KCNAB1: variants seen among roughly 807,000 people sequenced by gnomAD.
KCNAB1 encodes the protein voltage-gated potassium channel subunit beta-1.
KCNAB1 carries 35 observed loss-of-function variants against 64.6 expected under a neutral mutation model. The observed-to-expected ratio is 0.54, with a 90% CI of 0.41 to 0.72. KCNAB1 has a LOEUF of 0.72. Ranked by LOEUF, KCNAB1 falls within the 30% of genes least tolerant of loss-of-function variation. KCNAB1 has a pLI of 0.00. For missense variants in KCNAB1, 401 were observed against 512.9 expected (o/e 0.78, Z 2.11); for synonymous variants, 177 against 183.8 (o/e 0.96, Z 0.30).
Position 156,308,378 on chromosome 3 carries a change from C to T in KCNAB1, c.276-113238C>T, listed in dbSNP as rs1034980675. ...TTTTGAGCTGAGGAGTGATATTATC[C>T]GACTTGGGCTTCCTAAGGATTGCTC... On this transcript the variant is annotated intron_variant, in intron 1 of 13. Coordinates refer to ENST00000490337, the MANE Select transcript of KCNAB1 (RefSeq NM_172160.3). 3.3e-5 allele frequency among the ~76,000 whole-genome samples: 5 copies of T among 151,972 alleles called. No individual in the cohort carries two copies. The East Asian group carries it at 5.8e-4, about 18-fold the overall frequency.
At chr3:156,144,648 C>T (rs150358335) in intron 1 of KCNAB1, among the ~76,000 whole-genome samples, 1 of 152,146 alleles carries the variant, frequency 6.6e-6, no homozygotes, top group Non-Finnish European at 1.5e-5. Context: ...TCTGTCCCCC[C>T]ACGTTTTCTC....
intron 2 of KCNAB1, among the ~76,000 whole-genome samples, chr3:156,435,898 A>G (rs1295565472): frequency 6.6e-6 from 1 of 152,114 alleles, no homozygotes. Context: ...TGCTCCATCT[A>G]AAAGTCTATG....
intron 1 of KCNAB1, among the ~76,000 whole-genome samples, chr3:156,346,847 A>G (rs1484616397): frequency 6.6e-6 from 1 of 152,186 alleles, no homozygotes; most frequent in Non-Finnish European, 1.5e-5. Context: ...AGTTTTCAGC[A>G]GATGTTTGTC....
chr3:156,220,984 C>T (rs1190012076), intron 1 of KCNAB1, among the ~76,000 whole-genome samples: 20 of 152,314 alleles, frequency 1.3e-4, no homozygotes. Context: ...ATCCTTTCCC[C>T]ATTGCTTGTT....
chr3:156,303,289 A>G (rs1158905764), intron 1 of KCNAB1, among the ~76,000 whole-genome samples: 1 of 152,196 alleles, frequency 6.6e-6, no homozygotes, highest in East Asian at 1.9e-4. Flanking sequence ...GCATGCAAGC[A>G]AAAGTACCAG....
intron 8 of KCNAB1, among the ~76,000 whole-genome samples, chr3:156,476,274 T>C (rs1272691233): frequency 1.3e-5 from 2 of 152,028 alleles, no homozygotes; most frequent in Non-Finnish European, 2.9e-5. Context: ...TGCACCATAT[T>C]TGTAGTCTTA....
At chr3:156,390,605 C>T (rs575156441) in intron 1 of KCNAB1, among the ~76,000 whole-genome samples, 6 of 151,406 alleles carry the variant, frequency 4.0e-5, no homozygotes, top group South Asian at 2.1e-4. Flanking sequence ...CTTCTTGAGA[C>T]GGAGTCTCGC....
chr3:156,219,942 C>T (rs553036532), intron 1 of KCNAB1, among the ~76,000 whole-genome samples: 3 of 151,960 alleles, frequency 2.0e-5, no homozygotes, highest in South Asian at 2.1e-4. Context: ...TGTTTGACTC[C>T]CACCTGTGAG....
rs567494795 is a variant in KCNAB1 at position 156,350,994 on chromosome 3, T to C, written c.276-70622T>C. Among the ~76,000 whole-genome samples the C allele has an allele frequency of 1.4e-4, 21 of 152,290 alleles. No homozygotes were observed. The East Asian group carries it at 3.1e-3, about 22-fold the overall frequency. ...TCCTGTGAGATTTGCACAGTTGTCA[T>C]GGGAGGGACGTAGTGAACGGAAGGA... On this transcript the variant is annotated intron_variant, in intron 1 of 13. Coordinates refer to ENST00000490337, the MANE Select transcript of KCNAB1 (RefSeq NM_172160.3).
chr3:156,182,433 A>G (rs530067740), intron 1 of KCNAB1, among the ~76,000 whole-genome samples: 1 of 152,266 alleles, frequency 6.6e-6, no homozygotes, highest in Non-Finnish European at 1.5e-5. Context: ...CCTAACATTG[A>G]CCTAGGGACA....
chr3:156,442,993 C>G lies in KCNAB1; in HGVS notation c.320-9906C>G, dbSNP rs149717095. Reference sequence around the variant, plus strand: ...AGAGTGAAGGCAAACATATGGAGTTCTTCATCTAGACAGCCAGTTTGGGGG... The same window carrying G: ...AGAGTGAAGGCAAACATATGGAGTTGTTCATCTAGACAGCCAGTTTGGGGG... On this transcript the variant is annotated intron_variant, in intron 2 of 13. Transcript: ENST00000490337. Among the ~76,000 whole-genome samples the G allele has an allele frequency of 6.4e-3, 968 of 152,220 alleles. 14 individuals are homozygous for G. The highest frequency in any genetic ancestry group is 0.022 in the African/African-American group (928 of 41,526).
intron 7 of KCNAB1, among the ~76,000 whole-genome samples, chr3:156,472,565 A>G (rs944207129): frequency 6.6e-6 from 1 of 152,180 alleles, no homozygotes; most frequent in Non-Finnish European, 1.5e-5. Context: ...ACTCCACTTC[A>G]AAGTCAGAGG....
chr3:156,168,999 A>T (rs1231242849), intron 1 of KCNAB1, among the ~76,000 whole-genome samples: 3 of 111,196 alleles, frequency 2.7e-5, no homozygotes, highest in Non-Finnish European at 5.7e-5. Flanking sequence ...AAGGCGAGGG[A>T]TGATTTTCTA....
At chr3:156,214,278 G>T (rs1422471447) in intron 1 of KCNAB1, among the ~76,000 whole-genome samples, 1 of 152,196 alleles carries the variant, frequency 6.6e-6, no homozygotes, top group Non-Finnish European at 1.5e-5. Flanking sequence ...TTGGATGGAA[G>T]TGTGAGTAGT....
intron 1 of KCNAB1, among the ~76,000 whole-genome samples, chr3:156,416,380 A>G (rs969136098): frequency 3.9e-5 from 6 of 152,158 alleles, no homozygotes; most frequent in Non-Finnish European, 4.4e-5. Flanking sequence ...CAGTTCCTCA[A>G]TTACCCATGC....
chr3:156,146,613 A>T (rs1180507492), intron 1 of KCNAB1, among the ~76,000 whole-genome samples: 4 of 152,214 alleles, frequency 2.6e-5, no homozygotes, highest in African/African-American at 9.7e-5. Context: ...CTAGATAGCA[A>T]ATATTTCATG....
intron 1 of KCNAB1, among the ~76,000 whole-genome samples, chr3:156,381,478 GCTGGGGTCTC>G (rs1560228570): frequency 6.6e-6 from 1 of 152,194 alleles, no homozygotes; most frequent in African/African-American, 2.4e-5. Flanking sequence ...CTTCACCAAG[GCTGGGGTCTC>G]CTTGCCCACA....
chr3:156,206,290 T>C (rs1018092384), intron 1 of KCNAB1, among the ~76,000 whole-genome samples: 2 of 152,192 alleles, frequency 1.3e-5, no homozygotes, highest in Admixed American at 6.5e-5. Context: ...ATATTTCACT[T>C]TCCTGGCTCC....
chr3:156,531,201 C>T (rs1718679330), intron 12 of KCNAB1, among the ~76,000 whole-genome samples: 1 of 152,170 alleles, frequency 6.6e-6, no homozygotes, highest in Admixed American at 6.6e-5. Context: ...TTGCATTTCC[C>T]CTCCCAGCTG....
Sources: gnomAD v4.1 joint callset for allele counts (sites outside exome capture counted in the v4.1 genomes callset) on GRCh38, gnomAD v4.1.1 for gene constraint, MANE v1.5 for transcripts, NCBI Gene and HGNC (gene_info 2026-07-23, HGNC 2026-07-21) for gene names.